Variants in S100Z observed in about 807,000 individuals in gnomAD.
The protein encoded by S100Z is protein S100-Z.
A neutral mutation model predicts 8.5 loss-of-function variants in S100Z; 11 were observed. That is an observed-to-expected ratio of 1.30 (90% CI 0.82 to 2.15). The LOEUF (loss-of-function observed/expected upper bound fraction) is 2.15. Ranked by LOEUF, S100Z falls within the 30% of genes most tolerant of loss-of-function variation. The probability of loss-of-function intolerance (pLI) is 0.00; values close to 1 mark genes in which losing one functional copy is unlikely to be tolerated. For synonymous variants in S100Z, 34 were observed against 43.8 expected, an observed-to-expected ratio of 0.78 and a Z score of 0.89; for missense variants, 126 against 117.9, an observed-to-expected ratio of 1.07 and a Z score of -0.32.
chr5:76,931,079 T>C, the S100Z span, among the ~76,000 whole-genome samples: 51 of 151,730 alleles, frequency 3.4e-4, no homozygotes, highest in Admixed American at 2.2e-3. Context: ...AGAGCTCTAG[T>C]CTCTCTTTTT....
the S100Z span, among the ~76,000 whole-genome samples, chr5:76,930,056 T>A: frequency 2.3e-4 from 35 of 152,260 alleles, no homozygotes; most frequent in African/African-American, 8.2e-4. Context: ...CTGATTTTCC[T>A]ACAACATGGG....
chr5:76,899,451 A>T, intron 4 of S100Z, among the ~76,000 whole-genome samples: 1 of 138,200 alleles, frequency 7.2e-6, no homozygotes, highest in African/African-American at 2.8e-5. Context: ...TTTGTTATCT[A>T]GTGAAGTGAT....
chr5:76,952,450 A>G, the S100Z span, among the ~76,000 whole-genome samples: 25 of 152,370 alleles, frequency 1.6e-4, no homozygotes, highest in African/African-American at 6.0e-4. Flanking sequence ...AAGAAACTGG[A>G]CCAGGATAAA....
chr5:76,883,284 A>G (rs912738766), intron 4 of S100Z, among the ~76,000 whole-genome samples: 4 of 152,064 alleles, frequency 2.6e-5, no homozygotes, highest in African/African-American at 7.2e-5. Flanking sequence ...TGAACTGGGG[A>G]AAAGGGTGGC....
intron 4 of S100Z, among the ~76,000 whole-genome samples, chr5:76,900,330 A>G (rs1052561946): frequency 6.6e-5 from 10 of 152,118 alleles, no homozygotes; most frequent in South Asian, 4.1e-4. Context: ...TTCTACCCCT[A>G]TGTCTTTCTC....
rs1260920512 is a variant in S100Z, at chr5:76,921,416, C to T, written c.*702C>T. On this transcript the variant is annotated 3_prime_UTR_variant, in exon 5 of 5. Transcript: ENST00000317593. ...ATGGGTATTCAGACTCTTAATTTTA[C>T]AAATGAAGAAATAAAGTCCCAGAAG... The T allele has an allele frequency of 6.6e-6, 1 of 152,144 alleles. No homozygotes were observed. Among genetic ancestry groups the T allele is most frequent in the Non-Finnish European group, 1.5e-5 (1 of 68,028 alleles). 9.4% of individuals were successfully genotyped at this position (152,144 alleles called of 1,614,324 possible).
chr5:76,877,416 T>A (rs578095168), intron 3 of S100Z, among the ~76,000 whole-genome samples: 18 of 152,316 alleles, frequency 1.2e-4, no homozygotes, highest in African/African-American at 4.3e-4. Context: ...TTAGCAACAG[T>A]CACTCACTTT....
chr5:76,906,926 C>A (rs185001621), intron 4 of S100Z, among the ~76,000 whole-genome samples: 2 of 148,666 alleles, frequency 1.3e-5, no homozygotes, highest in Admixed American at 1.3e-4. Context: ...CCATTGCCCC[C>A]GCCAAATTTC....
chr5:76,915,304 C>CA (rs60682268), intron 4 of S100Z, among the ~76,000 whole-genome samples: 59,494 of 103,390 alleles, frequency 0.58, 17,151 homozygotes, highest in Non-Finnish European at 0.65. Flanking sequence ...GACTCCATCT[C>CA]AAAAAAAAAA....
chr5:76,913,740 G>A (rs1744751672), intron 4 of S100Z, among the ~76,000 whole-genome samples: 1 of 152,216 alleles, frequency 6.6e-6, no homozygotes, highest in Non-Finnish European at 1.5e-5. Context: ...AAACCGCAGA[G>A]GCGTAGACCT....
rs754450298 is a variant in S100Z at position 76,875,417 on chromosome 5, T to C, written c.58T>C (p.Ser20Pro). 8 of 1,613,274 alleles carry C rather than the reference T, an allele frequency of 5.0e-6. 1 individual carries two copies. In the South Asian group the frequency reaches 8.8e-5, roughly 18 times the overall value. Residue 20 changes from serine (S) to proline (P), a missense_variant, in exon 3 of 5, where the codon TCT (serine) becomes CCT (proline). Ser to Pro is a moderately conservative substitution (Grantham distance 74, BLOSUM62 -1). Coordinates refer to ENST00000317593, the MANE Select transcript of S100Z (RefSeq NM_130772.4). ...DTMIRIFHRYSGKERKRFKLS... is the reference protein window; with the variant it reads ...DTMIRIFHRYPGKERKRFKLS... ...CATGATTAGAATCTTCCACCGCTATTCTGGCAAGGAAAGGAAGAGATTCAA... is the reference window on the plus strand; with the variant it reads ...CATGATTAGAATCTTCCACCGCTATCCTGGCAAGGAAAGGAAGAGATTCAA...
At chr5:76,858,285 G>A (rs1054849879) in intron 1 of S100Z, among the ~76,000 whole-genome samples, 1 of 152,180 alleles carries the variant, frequency 6.6e-6, no homozygotes, top group Non-Finnish European at 1.5e-5. Flanking sequence ...CACTTTGGGA[G>A]GCCAAGGTAG....
chr5:76,886,831 AG>A lies in S100Z; in HGVS notation c.*2+9000del, dbSNP rs528417888. On this transcript the variant is annotated intron_variant, in intron 4 of 4. Transcript: ENST00000317593. ...GGGAGAATTGCAAAGAACCTTCTTA[AG>A]GGTTGGGGCGATTACAAAGTACATT... Among the ~76,000 whole-genome samples the A allele has an allele frequency of 7.7e-3, 1,169 of 152,268 alleles. 10 individuals are homozygous for A. Among genetic ancestry groups the A allele is most frequent in the Admixed American group, 0.016 (240 of 15,292 alleles).
At chr5:76,911,858 T>C (rs1359708639) in intron 4 of S100Z, among the ~76,000 whole-genome samples, 1 of 152,126 alleles carries the variant, frequency 6.6e-6, no homozygotes. Flanking sequence ...ATTAAAACAG[T>C]TGCGGGGGTT....
At chr5:76,934,929 A>G in the S100Z span, among the ~76,000 whole-genome samples, 146,420 of 152,264 alleles carry the variant, frequency 0.96, 70,616 homozygotes, top group Non-Finnish European at 1. Context: ...TTTCCAACGC[A>G]TCCACCCTAT....
At chr5:76,907,011 T>TATAC (rs1744474488) in intron 4 of S100Z, among the ~76,000 whole-genome samples, 1 of 108,702 alleles carries the variant, frequency 9.2e-6, no homozygotes, top group African/African-American at 7.4e-5. Context: ...TATATATATA[T>TATAC]ATATATATAT....
chr5:76,903,869 C>T lies in S100Z; in HGVS notation c.*3-16848C>T, dbSNP rs185808321. Among the ~76,000 whole-genome samples the T allele has an allele frequency of 3.3e-3, 505 of 151,532 alleles. 4 individuals are homozygous for T. The highest frequency in any genetic ancestry group is 3.2e-3 in the Non-Finnish European group (216 of 67,886). The stretch of plus-strand genomic sequence containing the variant: ...CCCCCCAAGTAGCTGGGATTACAGG[C>T]GCCCGCCACCACGCCTGGCTATTTT... On this transcript the variant is annotated intron_variant, in intron 4 of 4. Coordinates refer to ENST00000317593, the MANE Select transcript of S100Z (RefSeq NM_130772.4).
intron 4 of S100Z, among the ~76,000 whole-genome samples, chr5:76,906,100 G>C (rs1744413745): frequency 6.6e-6 from 1 of 152,176 alleles, no homozygotes; most frequent in African/African-American, 2.4e-5. Context: ...AAAGTAATGG[G>C]ATTATAGGCA....
chr5:76,889,150 T>G (rs1743767821), intron 4 of S100Z, among the ~76,000 whole-genome samples: 1 of 152,160 alleles, frequency 6.6e-6, no homozygotes, highest in African/African-American at 2.4e-5. Flanking sequence ...TGAGCAGGAC[T>G]TCCCTCTCTC....
Sources: allele counts gnomAD v4.1 joint callset (sites outside exome capture counted in the v4.1 genomes callset), GRCh38; gene constraint gnomAD v4.1.1; transcripts MANE v1.5; gene names NCBI Gene and HGNC (gene_info 2026-07-23, HGNC 2026-07-21).